ARL15: variants seen among roughly 807,000 people sequenced by gnomAD.
ARL15 encodes the protein ARF like GTPase 15.
In ARL15, 19 loss-of-function variants were observed where a neutral mutation model predicts 25.2. The ratio of observed to expected loss-of-function variants is 0.75; its 90% CI spans 0.53 to 1.10. ARL15 has a LOEUF of 1.10. ARL15 is among the 50% of genes least tolerant of loss of function. ARL15 has a pLI of 0.00. For missense variants in ARL15, 220 were observed against 246.0 expected, an observed-to-expected ratio of 0.89 and a Z score of 0.71; for synonymous variants, 94 against 86.8, an observed-to-expected ratio of 1.08 and a Z score of -0.46.
At chr5:54,109,242 G>T (rs1034813301) in intron 4 of ARL15, among the ~76,000 whole-genome samples, 1 of 151,890 alleles carries the variant, frequency 6.6e-6, no homozygotes, top group African/African-American at 2.4e-5. Flanking sequence ...TCAAAACTCT[G>T]TTTCACAGTC....
chr5:53,948,081 G>A (rs917218463), intron 4 of ARL15, among the ~76,000 whole-genome samples: 13 of 152,060 alleles, frequency 8.5e-5, no homozygotes, highest in Admixed American at 7.9e-4. Context: ...AAACAAATTA[G>A]AAAGAAAAGA....
intron 4 of ARL15, among the ~76,000 whole-genome samples, chr5:53,918,377 G>T (rs555800098): frequency 2.5e-4 from 38 of 151,056 alleles, no homozygotes; most frequent in East Asian, 1.6e-3. Flanking sequence ...TAGTAGAGAT[G>T]GGGGGGGATC....
At chr5:54,290,284 T>C (rs73757037) in intron 1 of ARL15, among the ~76,000 whole-genome samples, 1 of 151,898 alleles carries the variant, frequency 6.6e-6, no homozygotes, top group Admixed American at 6.6e-5. Context: ...TATATAAGAT[T>C]ATATCAACTA....
chr5:54,265,312 C>T (rs186948623), intron 1 of ARL15, among the ~76,000 whole-genome samples: 60 of 152,266 alleles, frequency 3.9e-4, no homozygotes, highest in Admixed American at 3.5e-3. Context: ...TTTTAACTCA[C>T]CTAGTTTCCT....
At chr5:54,105,803 G>A (rs905154670) in intron 4 of ARL15, among the ~76,000 whole-genome samples, 9 of 152,132 alleles carry the variant, frequency 5.9e-5, no homozygotes, top group South Asian at 2.1e-4. Flanking sequence ...CGCTGGTCTC[G>A]AACTCCTGAC....
Position 54,077,815 on chromosome 5 carries a change from AG to A in ARL15, c.462+35386del, listed in dbSNP as rs539838998. Among the ~76,000 whole-genome samples the A allele has an allele frequency of 3.3e-4, 50 of 152,306 alleles. 1 individual carries two copies. The highest frequency in any genetic ancestry group is 1.1e-3 in the African/African-American group (47 of 41,560). On this transcript the variant is annotated intron_variant, in intron 4 of 4. Transcript: ENST00000504924. ...TTTCTCAGGAAAGGGTAGGTATGTA[AG>A]GCAGCTCTAACATGACCTGATTTTT...
chr5:54,019,588 G>A (rs1311065539), intron 4 of ARL15, among the ~76,000 whole-genome samples: 1 of 152,126 alleles, frequency 6.6e-6, no homozygotes, highest in African/African-American at 2.4e-5. Flanking sequence ...ATCTCTGAAT[G>A]TATTTACAAA....
At chr5:54,200,707 A>T (rs1755698488) in intron 1 of ARL15, among the ~76,000 whole-genome samples, 1 of 152,196 alleles carries the variant, frequency 6.6e-6, no homozygotes, top group Non-Finnish European at 1.5e-5. Context: ...GACTGAGAGA[A>T]AATACAGGGA....
chr5:54,235,821 A>G (rs1192127906), intron 1 of ARL15, among the ~76,000 whole-genome samples: 1 of 152,230 alleles, frequency 6.6e-6, no homozygotes, highest in Non-Finnish European at 1.5e-5. Context: ...ATGCATTAGT[A>G]GCAAAAATAA....
At chr5:54,037,727 G>C (rs1445604153) in intron 4 of ARL15, among the ~76,000 whole-genome samples, 1 of 151,990 alleles carries the variant, frequency 6.6e-6, no homozygotes, top group African/African-American at 2.4e-5. Context: ...TGGATGATAG[G>C]CACTTTTAAA....
chr5:53,912,460 A>G (rs1745494520), intron 4 of ARL15, among the ~76,000 whole-genome samples: 1 of 152,230 alleles, frequency 6.6e-6, no homozygotes, highest in Admixed American at 6.5e-5. Context: ...TAGGGTTGGG[A>G]TGAGATTTGT....
At position 54,102,692 on chromosome 5, in the gene ARL15, T is replaced by C. The variant is rs539015032; in HGVS notation, c.462+10510A>G. Among the ~76,000 whole-genome samples the C allele has an allele frequency of 1.2e-4, 19 of 152,290 alleles. No individual in the cohort carries two copies. In the South Asian group the frequency reaches 3.9e-3, roughly 32 times the overall value. On this transcript the variant is annotated intron_variant, in intron 4 of 4. Coordinates refer to ENST00000504924, the MANE Select transcript of ARL15 (RefSeq NM_019087.3). ...TAAGGATTCCCCTGACAAGCTCTTA[T>C]TTTCATTGCATTATTTCTTTGTTCT...
At chr5:53,922,183 T>C (rs1322910585) in intron 4 of ARL15, among the ~76,000 whole-genome samples, 4 of 152,208 alleles carry the variant, frequency 2.6e-5, no homozygotes, top group African/African-American at 9.6e-5. Flanking sequence ...GTGTTTCTGG[T>C]ATGGCCATCT....
chr5:54,058,585 G>A (rs1750961808), intron 4 of ARL15, among the ~76,000 whole-genome samples: 1 of 152,148 alleles, frequency 6.6e-6, no homozygotes, highest in African/African-American at 2.4e-5. Context: ...GCAAGGGAGT[G>A]AGCTCTGGGG....
At chr5:54,277,595 C>CA (rs1757958132) in intron 1 of ARL15, among the ~76,000 whole-genome samples, 1 of 151,932 alleles carries the variant, frequency 6.6e-6, no homozygotes, top group East Asian at 1.9e-4. Context: ...ACTAAAAATA[C>CA]AAAAAAATTA....
chr5:54,140,256 G>GAA (rs11341805), intron 3 of ARL15, among the ~76,000 whole-genome samples: 1 of 141,096 alleles, frequency 7.1e-6, no homozygotes, highest in Non-Finnish European at 1.5e-5. Flanking sequence ...GATTTTGAAA[G>GAA]AAAAAAAAAA....
intron 3 of ARL15, among the ~76,000 whole-genome samples, chr5:54,137,056 T>C (rs975479825): frequency 1.3e-4 from 20 of 152,072 alleles, no homozygotes; most frequent in African/African-American, 4.8e-4. Flanking sequence ...ACCTTTTTTT[T>C]TTTTTTGCTT....
chr5:54,054,539 C>T (rs964498804), intron 4 of ARL15, among the ~76,000 whole-genome samples: 5 of 152,156 alleles, frequency 3.3e-5, no homozygotes, highest in Non-Finnish European at 7.3e-5. Context: ...GCCTGTAATC[C>T]CAGCACTTTG....
intron 4 of ARL15, among the ~76,000 whole-genome samples, chr5:54,084,418 A>C (rs1751892799): frequency 1.1e-5 from 1 of 92,010 alleles, no homozygotes; most frequent in Non-Finnish European, 2.4e-5. Context: ...AGTGGTACTG[A>C]CTCTTCAAAA....
Sources: allele counts gnomAD v4.1 joint callset (sites outside exome capture counted in the v4.1 genomes callset), GRCh38; gene constraint gnomAD v4.1.1; transcripts MANE v1.5; gene names NCBI Gene and HGNC (gene_info 2026-07-23, HGNC 2026-07-21).